Variants in AK5 observed in about 807,000 individuals in gnomAD.
AK5 encodes the protein adenylate kinase 5.
A neutral mutation model predicts 69.5 loss-of-function variants in AK5; 27 were observed. That is an observed-to-expected ratio of 0.39 (90% CI 0.29 to 0.54). The LOEUF (loss-of-function observed/expected upper bound fraction) is 0.54. Among genes scored for constraint, AK5 ranks in the 20% least tolerant of loss-of-function variants. AK5 has a pLI of 0.71. For synonymous variants in AK5, 260 were observed against 244.4 expected (o/e 1.06, Z -0.60); for missense variants, 531 against 700.4 (o/e 0.76, Z 2.73).
chr1:77,308,647 C>A (rs567872455), intron 5 of AK5, among the ~76,000 whole-genome samples: 1 of 152,032 alleles, frequency 6.6e-6, no homozygotes, highest in South Asian at 2.1e-4. Flanking sequence ...TATAGAATTT[C>A]GTATTTCATG....
At position 77,488,130 on chromosome 1, in the gene AK5, G is replaced by A. The variant is rs140322475; in HGVS notation, c.1147+1778G>A. Among the ~76,000 whole-genome samples the A allele has an allele frequency of 2.5e-4, 38 of 152,268 alleles. No homozygotes were observed. The East Asian group carries it at 6.2e-3, about 25-fold the overall frequency. ...TGAGAGGAGGCAAAGAGAACAGTAT[G>A]TGTCAAGCAGTGGGAATTCTTGAGA... On this transcript the variant is annotated intron_variant, in intron 10 of 13. Coordinates refer to ENST00000354567, the MANE Select transcript of AK5 (RefSeq NM_174858.3).
chr1:77,373,142 T>C (rs1647152265), intron 6 of AK5, among the ~76,000 whole-genome samples: 4 of 152,222 alleles, frequency 2.6e-5, no homozygotes. Flanking sequence ...CTTGTAACCG[T>C]TTATACTCCC....
At chr1:77,441,996 C>A (rs1483401835) in intron 8 of AK5, among the ~76,000 whole-genome samples, 1 of 152,066 alleles carries the variant, frequency 6.6e-6, no homozygotes, top group Non-Finnish European at 1.5e-5. Flanking sequence ...GGAGGCAGGG[C>A]ACAGCCCTGG....
intron 3 of AK5, among the ~76,000 whole-genome samples, chr1:77,294,563 C>T (rs891708567): frequency 1.3e-5 from 2 of 151,882 alleles, no homozygotes; most frequent in Non-Finnish European, 2.9e-5. Context: ...CAAATTGGCA[C>T]CTATAATAAA....
rs1451093099 is a variant in AK5, at chr1:77,518,666, C to A, written c.1250C>A (p.Ser417Ter). 1 of 1,614,188 alleles carries A rather than the reference C, an allele frequency of 6.2e-7. No individual in the cohort carries two copies. Among genetic ancestry groups the A allele is most frequent in the Non-Finnish European group, 8.5e-7 (1 of 1,180,032 alleles). ...TGELLREELA[S>*]ESERSKLIRD... ...GAGCTCCTGCGTGAGGAACTGGCAT[C>A]AGAATCTGAAAGAAGCAAATTGATC... The change falls in exon 11 of 14, where the codon TCA (serine) becomes TAA (stop). Residue 417 changes from serine (S) to a stop codon, truncating the protein, a stop_gained. Coordinates refer to ENST00000354567, the MANE Select transcript of AK5 (RefSeq NM_174858.3). LOFTEE classifies it high-confidence loss of function.
chr1:77,310,564 G>T lies in AK5; in HGVS notation c.699+12617G>T, dbSNP rs758966548. On this transcript the variant is annotated intron_variant, in intron 5 of 13. Transcript: ENST00000354567. ...CCGGCTAATTTTTTTTGTATTTTTA[G>T]TAGAGACGGGGTTTCACCGTGTTAG... Among the ~76,000 whole-genome samples, 4 of 151,954 alleles carry T rather than the reference G, an allele frequency of 2.6e-5. No individual in the cohort carries two copies. The South Asian group carries it at 6.2e-4, about 24-fold the overall frequency.
At chr1:77,337,414 T>C (rs906788290) in intron 5 of AK5, among the ~76,000 whole-genome samples, 10 of 152,178 alleles carry the variant, frequency 6.6e-5, no homozygotes, top group African/African-American at 2.4e-4. Context: ...CAATGCTGAG[T>C]TAGAAGTTTT....
At chr1:77,350,134 G>A (rs1019755636) in intron 6 of AK5, among the ~76,000 whole-genome samples, 2 of 152,158 alleles carry the variant, frequency 1.3e-5, no homozygotes, top group South Asian at 2.1e-4. Context: ...AGTTTGTGAC[G>A]CAGGCACAGA....
At chr1:77,388,587 T>TGTG (rs1372514204) in intron 6 of AK5, among the ~76,000 whole-genome samples, 3 of 152,070 alleles carry the variant, frequency 2.0e-5, no homozygotes, top group Non-Finnish European at 4.4e-5. Flanking sequence ...TTGTTGTTGT[T>TGTG]GTTTTTGCAT....
At chr1:77,311,041 TTG>T (rs897749363) in intron 5 of AK5, among the ~76,000 whole-genome samples, 1 of 152,114 alleles carries the variant, frequency 6.6e-6, no homozygotes, top group Admixed American at 6.5e-5. Context: ...GAATTATTGT[TTG>T]TGTTTGTGGG....
chr1:77,404,662 A>G (rs1431321398), intron 6 of AK5, among the ~76,000 whole-genome samples: 1 of 152,152 alleles, frequency 6.6e-6, no homozygotes, highest in Non-Finnish European at 1.5e-5. Context: ...AATGTTGTAG[A>G]AAATGAAATC....
chr1:77,313,996 G>A (rs937185891), intron 5 of AK5: 11 of 424,474 alleles, frequency 2.6e-5, no homozygotes, highest in African/African-American at 2.3e-4. Context: ...TGGACAAAGG[G>A]GAAGAGGGGG....
intron 8 of AK5, among the ~76,000 whole-genome samples, chr1:77,460,938 A>G (rs1292521504): frequency 4.6e-5 from 7 of 151,834 alleles, no homozygotes; most frequent in African/African-American, 1.7e-4. Flanking sequence ...TGGCCAGGCT[A>G]GTCTTGGGCT....
chr1:77,363,172 C>T (rs1020185547), intron 6 of AK5, among the ~76,000 whole-genome samples: 1 of 152,208 alleles, frequency 6.6e-6, no homozygotes, highest in African/African-American at 2.4e-5. Flanking sequence ...CAGCCCCCAA[C>T]ACATACAACC....
At chr1:77,342,355 G>A (rs537123460) in intron 6 of AK5, among the ~76,000 whole-genome samples, 2 of 152,244 alleles carry the variant, frequency 1.3e-5, no homozygotes, top group Admixed American at 6.5e-5. Flanking sequence ...TGTCACATTC[G>A]TCATCACAAG....
chr1:77,526,931 G>A (rs1342434826), intron 12 of AK5, among the ~76,000 whole-genome samples: 1 of 151,750 alleles, frequency 6.6e-6, no homozygotes, highest in Non-Finnish European at 1.5e-5. Flanking sequence ...TTCTTCTTTG[G>A]GGAATTTTAA....
At chr1:77,322,964 A>C (rs549924239) in intron 5 of AK5, among the ~76,000 whole-genome samples, 30 of 151,674 alleles carry the variant, frequency 2.0e-4, no homozygotes, top group Non-Finnish European at 4.1e-4. Flanking sequence ...TGCGCTGTTT[A>C]TTTCAAAATC....
chr1:77,335,115 CT>C (rs1240855944), intron 5 of AK5, among the ~76,000 whole-genome samples: 2 of 152,172 alleles, frequency 1.3e-5, no homozygotes, highest in Admixed American at 6.5e-5. Flanking sequence ...GTCAAAAGTA[CT>C]GACAGTTAAG....
chr1:77,475,357 T>G (rs1302791574), intron 8 of AK5, among the ~76,000 whole-genome samples: 1 of 126,112 alleles, frequency 7.9e-6, no homozygotes, highest in East Asian at 2.0e-4. Context: ...TACATATATA[T>G]TATATATATA....
Sources: gnomAD v4.1 joint callset for allele counts (sites outside exome capture counted in the v4.1 genomes callset) on GRCh38, gnomAD v4.1.1 for gene constraint, MANE v1.5 for transcripts, NCBI Gene and HGNC (gene_info 2026-07-23, HGNC 2026-07-21) for gene names.